DPYD: variants seen among roughly 807,000 people sequenced by gnomAD.
The protein encoded by DPYD is dihydropyrimidine dehydrogenase, also known as dihydropyrimidine dehydrogenase [NADP(+)].
A neutral mutation model predicts 116.2 loss-of-function variants in DPYD; 109 were observed. The observed-to-expected ratio is 0.94, with a 90% CI of 0.80 to 1.10. DPYD has a LOEUF of 1.10. Among genes scored for constraint, DPYD ranks in the 50% least tolerant of loss-of-function variants. DPYD has a pLI of 0.00. For synonymous variants in DPYD, 440 were observed against 432.0 expected, an observed-to-expected ratio of 1.02 and a Z score of -0.23; for missense variants, 1,302 against 1,254.5, an observed-to-expected ratio of 1.04 and a Z score of -0.57.
intron 14 of DPYD, among the ~76,000 whole-genome samples, chr1:97,444,688 T>C (rs962653731): frequency 5.9e-5 from 9 of 152,134 alleles, no homozygotes; most frequent in African/African-American, 2.2e-4. Flanking sequence ...TTGAACAGAA[T>C]AGGGCCTAAC....
chr1:97,847,372 T>G (rs1670357809), intron 2 of DPYD, among the ~76,000 whole-genome samples: 1 of 152,130 alleles, frequency 6.6e-6, no homozygotes, highest in South Asian at 2.1e-4. Flanking sequence ...CTTAAGCAAA[T>G]GGTATTATGT....
intron 19 of DPYD, among the ~76,000 whole-genome samples, chr1:97,205,649 T>C (rs1215048996): frequency 6.6e-6 from 1 of 152,168 alleles, no homozygotes; most frequent in Non-Finnish European, 1.5e-5. Context: ...ATATCCATAG[T>C]ACAATTTCCA....
intron 6 of DPYD, among the ~76,000 whole-genome samples, chr1:97,696,138 GAAAGAAAAAAGAAAAGAAAA>G (rs1033999117): frequency 2.9e-5 from 4 of 136,014 alleles, no homozygotes; most frequent in Admixed American, 2.9e-4. Context: ...AAAAAAAAAA[GAAAGAAAAAAGAAAAGAAAA>G]AAAGAAAAAA....
intron 5 of DPYD, among the ~76,000 whole-genome samples, chr1:97,719,042 G>A (rs778145592): frequency 1.9e-4 from 28 of 150,990 alleles, no homozygotes; most frequent in Admixed American, 1.4e-3. Flanking sequence ...CAATCACCCC[G>A]GTAGCCTGTT....
intron 3 of DPYD, among the ~76,000 whole-genome samples, chr1:97,796,604 GGA>G (rs1269232901): frequency 6.6e-6 from 1 of 152,050 alleles, no homozygotes; most frequent in Non-Finnish European, 1.5e-5. Context: ...AGAGACTCAG[GGA>G]GAGAGTCTGA....
intron 1 of DPYD, among the ~76,000 whole-genome samples, chr1:97,897,344 T>A (rs906967273): frequency 6.6e-6 from 1 of 151,916 alleles, no homozygotes; most frequent in East Asian, 1.9e-4. Context: ...ATCACTAGTT[T>A]TGACCAATTT....
intron 16 of DPYD, among the ~76,000 whole-genome samples, chr1:97,360,193 T>G (rs1175850027): frequency 6.6e-6 from 1 of 151,338 alleles, no homozygotes; most frequent in Non-Finnish European, 1.5e-5. Context: ...CCAACAAAGA[T>G]CAAAAGAGAC....
chr1:97,575,480 A>C (rs747475227), intron 10 of DPYD, among the ~76,000 whole-genome samples: 2 of 152,194 alleles, frequency 1.3e-5, no homozygotes, highest in Non-Finnish European at 2.9e-5. Context: ...ACTGATCTAT[A>C]CTATACATTA....
At chr1:97,482,715 C>T (rs1678391667) in intron 13 of DPYD, among the ~76,000 whole-genome samples, 2 of 152,106 alleles carry the variant, frequency 1.3e-5, no homozygotes, top group Admixed American at 1.3e-4. Context: ...ATTGTGGATA[C>T]TGAGAATAGG....
At chr1:97,322,276 G>GA (rs1558028190) in intron 16 of DPYD, among the ~76,000 whole-genome samples, 1 of 134,892 alleles carries the variant, frequency 7.4e-6, no homozygotes, top group Non-Finnish European at 1.7e-5. Flanking sequence ...AATTAGGAAG[G>GA]GAAAAAAAAA....
intron 3 of DPYD, among the ~76,000 whole-genome samples, chr1:97,747,712 A>G (rs1429897211): frequency 2.6e-5 from 4 of 152,168 alleles, no homozygotes. Context: ...TAAGTGCTCA[A>G]ATGTGCTTGC....
intron 20 of DPYD, among the ~76,000 whole-genome samples, chr1:97,150,267 T>TAA (rs34447969): frequency 6.5e-4 from 97 of 148,790 alleles, no homozygotes; most frequent in Middle Eastern, 3.4e-3. Flanking sequence ...CACTGTATCT[T>TAA]AAAAAAAAAA....
intron 20 of DPYD, among the ~76,000 whole-genome samples, chr1:97,112,076 T>C (rs888655663): frequency 1.3e-5 from 2 of 152,156 alleles, no homozygotes; most frequent in Non-Finnish European, 2.9e-5. Context: ...ATTTTTATTA[T>C]AGAAATTCTA....
chr1:97,909,337 T>A (rs189244985), intron 1 of DPYD, among the ~76,000 whole-genome samples: 12 of 152,190 alleles, frequency 7.9e-5, no homozygotes, highest in Admixed American at 2.0e-4. Context: ...AATCCCTTTA[T>A]ACAAGTAATT....
chr1:97,508,712 T>C (rs1340813705), intron 13 of DPYD, among the ~76,000 whole-genome samples: 3 of 151,870 alleles, frequency 2.0e-5, no homozygotes, highest in Non-Finnish European at 4.4e-5. Flanking sequence ...CATGATATAG[T>C]GGAAATTGCA....
intron 2 of DPYD, among the ~76,000 whole-genome samples, chr1:97,862,959 A>G (rs887596446): frequency 6.6e-6 from 1 of 151,966 alleles, no homozygotes; most frequent in African/African-American, 2.4e-5. Flanking sequence ...AAACTGTAAT[A>G]CGAAAAATAC....
intron 3 of DPYD, among the ~76,000 whole-genome samples, chr1:97,819,623 C>G (rs1429942286): frequency 6.6e-6 from 1 of 151,828 alleles, no homozygotes; most frequent in African/African-American, 2.4e-5. Context: ...ATTTTATATT[C>G]TTCTTCAATG....
chr1:97,422,566 C>T (rs573632582), intron 14 of DPYD, among the ~76,000 whole-genome samples: 1 of 151,996 alleles, frequency 6.6e-6, no homozygotes, highest in Non-Finnish European at 1.5e-5. Flanking sequence ...CATTTCCTAC[C>T]TCCACGGGCT....
At chr1:97,373,785 GTC>G (rs1197677279) in intron 15 of DPYD, 141 bp from the exon 16 acceptor site, 32 of 708,242 alleles carry the variant, frequency 4.5e-5, no homozygotes, top group Middle Eastern at 4.0e-4. Context: ...GTGAGGTATA[GTC>G]TCTCTCTCTC....
Sources: allele counts gnomAD v4.1 joint callset (sites outside exome capture counted in the v4.1 genomes callset), GRCh38; gene constraint gnomAD v4.1.1; transcripts MANE v1.5; gene names NCBI Gene and HGNC (gene_info 2026-07-23, HGNC 2026-07-21).